ENTREP2: variants seen among roughly 807,000 people sequenced by gnomAD.
ENTREP2 encodes the protein protein ENTREP2.
At chr15:29,612,922 C>T in the ENTREP2 span, 1 of 152,152 alleles carries the variant, frequency 6.6e-6, no homozygotes, top group Admixed American at 6.5e-5. Context: ...TATAAGGTAA[C>T]AAAACAGGCT....
the ENTREP2 span, among the ~76,000 whole-genome samples, chr15:29,369,963 C>T: frequency 6.6e-6 from 1 of 152,142 alleles, no homozygotes; most frequent in Non-Finnish European, 1.5e-5. Flanking sequence ...AGCACAAGGC[C>T]CTCACCAGAA....
the ENTREP2 span, chr15:29,268,305 T>TACTTATATG: frequency 6.5e-6 from 1 of 153,048 alleles, no homozygotes; most frequent in Non-Finnish European, 1.5e-5. Context: ...CTTGGAACCA[T>TACTTATATG]GAATAATACT....
chr15:29,311,122 C>A, the ENTREP2 span, among the ~76,000 whole-genome samples: 19 of 152,022 alleles, frequency 1.2e-4, no homozygotes, highest in African/African-American at 3.9e-4. Context: ...TGATGAGAGA[C>A]CTGTAATCTA....
At chr15:29,173,034 C>T in the ENTREP2 span, among the ~76,000 whole-genome samples, 4 of 152,204 alleles carry the variant, frequency 2.6e-5, no homozygotes, top group Non-Finnish European at 5.9e-5. Context: ...TCCACGGAGG[C>T]TGTCTCCCAT....
chr15:29,234,502 A>T, the ENTREP2 span: 1 of 1,429,726 alleles, frequency 7.0e-7, no homozygotes, highest in Non-Finnish European at 9.9e-7. Flanking sequence ...CTGAGCTATA[A>T]GAACAACCAA....
At chr15:29,652,298 A>G in the ENTREP2 span, among the ~76,000 whole-genome samples, 1 of 152,066 alleles carries the variant, frequency 6.6e-6, no homozygotes, top group Non-Finnish European at 1.5e-5. Context: ...ACTCGTCAGG[A>G]CACCCTGGTT....
the ENTREP2 span, among the ~76,000 whole-genome samples, chr15:29,213,024 C>T: frequency 2.0e-5 from 3 of 152,112 alleles, no homozygotes; most frequent in African/African-American, 7.2e-5. Context: ...GCCAGTTTAC[C>T]CTGCACCATT....
At chr15:29,455,709 C>T in the ENTREP2 span, among the ~76,000 whole-genome samples, 1 of 152,278 alleles carries the variant, frequency 6.6e-6, no homozygotes, top group South Asian at 2.1e-4. Context: ...AATCAGGCCG[C>T]ACTGCAGGAG....
At chr15:29,341,638 G>A in the ENTREP2 span, among the ~76,000 whole-genome samples, 3 of 152,170 alleles carry the variant, frequency 2.0e-5, no homozygotes, top group Admixed American at 1.3e-4. Flanking sequence ...AAAAGGGGGA[G>A]TGGCGAGGAA....
chr15:29,560,940 C>T, the ENTREP2 span, among the ~76,000 whole-genome samples: 1 of 150,178 alleles, frequency 6.7e-6, no homozygotes, highest in East Asian at 2.0e-4. Context: ...CACAGTTATA[C>T]CCATTCATTT....
chr15:29,423,107 C>T, the ENTREP2 span, among the ~76,000 whole-genome samples: 1 of 152,122 alleles, frequency 6.6e-6, no homozygotes, highest in Admixed American at 6.5e-5. Flanking sequence ...ATGAGAATAA[C>T]ACAGTCAAGC....
the ENTREP2 span, among the ~76,000 whole-genome samples, chr15:29,444,207 AAAG>A: frequency 1.4e-5 from 2 of 147,228 alleles, no homozygotes; most frequent in Admixed American, 6.7e-5. Context: ...AGAAAGAAAG[AAAG>A]AAAGAAAGAA....
chr15:29,202,182 T>C, the ENTREP2 span, among the ~76,000 whole-genome samples: 2 of 152,142 alleles, frequency 1.3e-5, no homozygotes, highest in Non-Finnish European at 2.9e-5. Context: ...TAGAGTTTTG[T>C]CAATGTTGTT....
At chr15:29,359,709 C>T in the ENTREP2 span, among the ~76,000 whole-genome samples, 1 of 152,202 alleles carries the variant, frequency 6.6e-6, no homozygotes, top group East Asian at 1.9e-4. Context: ...CTGTGCTCAG[C>T]CAGTTTCAAT....
chr15:29,626,990 T>A, the ENTREP2 span, among the ~76,000 whole-genome samples: 1 of 152,194 alleles, frequency 6.6e-6, no homozygotes, highest in Non-Finnish European at 1.5e-5. Flanking sequence ...TTTCTTTGAT[T>A]TCTGCTCTTC....
the ENTREP2 span, among the ~76,000 whole-genome samples, chr15:29,351,236 T>C: frequency 6.6e-6 from 1 of 152,192 alleles, no homozygotes; most frequent in Non-Finnish European, 1.5e-5. Context: ...GCAACTGTAA[T>C]GCAATGGTAA....
chr15:29,629,004 C>A, the ENTREP2 span, among the ~76,000 whole-genome samples: 5 of 152,176 alleles, frequency 3.3e-5, no homozygotes, highest in African/African-American at 1.2e-4. Flanking sequence ...CCCGCCTCGG[C>A]CTCCCAGAGT....
the ENTREP2 span, among the ~76,000 whole-genome samples, chr15:29,528,192 C>G: frequency 6.6e-6 from 1 of 152,098 alleles, no homozygotes; most frequent in Non-Finnish European, 1.5e-5. Context: ...AAGGGGTCAT[C>G]TGACGGGGTC....
chr15:29,202,518 T>C, the ENTREP2 span, among the ~76,000 whole-genome samples: 26 of 152,316 alleles, frequency 1.7e-4, no homozygotes, highest in African/African-American at 6.3e-4. Flanking sequence ...GTGCAGAATG[T>C]ACAGGTTTGT....
Sources: gnomAD v4.1 joint callset for allele counts (sites outside exome capture counted in the v4.1 genomes callset) on GRCh38, gnomAD v4.1.1 for gene constraint, MANE v1.5 for transcripts, NCBI Gene and HGNC (gene_info 2026-07-23, HGNC 2026-07-21) for gene names.